The following SLC26A2 variants were observed in gnomAD, a reference collection of about 807,000 sequenced individuals.
SLC26A2 encodes the protein sulfate transporter.
Under a neutral mutation model 41.1 loss-of-function variants are expected in SLC26A2, and 36 were observed. The ratio of observed to expected loss-of-function variants is 0.88; its 90% CI spans 0.67 to 1.16. SLC26A2 has a LOEUF of 1.16. Among genes scored for constraint, SLC26A2 ranks in the 50% most tolerant of loss-of-function variants. SLC26A2 has a pLI of 0.00. For missense variants in SLC26A2, 796 were observed against 869.6 expected, an observed-to-expected ratio of 0.92 and a Z score of 1.07; for synonymous variants, 291 against 311.6, an observed-to-expected ratio of 0.93 and a Z score of 0.70.
In SLC26A2 at chr5:149,977,997, C is replaced by A; in HGVS notation, c.345C>A (p.Gly115=). The change falls in exon 2 of 3, where the codon GGC becomes GGA. Residue 115 remains glycine (G), a synonymous_variant. Coordinates refer to ENST00000286298, the MANE Select transcript of SLC26A2 (RefSeq NM_000112.4). ...KKNILGDVMS[G]LIVGILLVPQ... is the part of the protein sequence containing the mutation. ...ACATTTTAGGGGATGTGATGTCAGG[C>A]TTGATTGTGGGCATATTATTGGTGC... The A allele has an allele frequency of 6.2e-7, 1 of 1,614,124 alleles. No homozygotes were observed. The highest frequency in any genetic ancestry group is 8.5e-7 in the Non-Finnish European group (1 of 1,180,002).
chr5:149,978,402 T>A, intron 2 of SLC26A2, 51 bp downstream of exon 2: 1 of 1,274,466 alleles, frequency 7.8e-7, no homozygotes, highest in South Asian at 1.2e-5. Flanking sequence ...ATCTAGTACA[T>A]GAAATCTCAT....
At position 149,980,371 on chromosome 5, in the gene SLC26A2, G is replaced by T; in HGVS notation, c.778G>T (p.Ala260Ser). 1.9e-6 allele frequency: 3 copies of T among 1,614,072 alleles called. No individual in the cohort carries two copies. Among genetic ancestry groups the T allele is most frequent in the Non-Finnish European group, 2.5e-6 (3 of 1,179,972 alleles). The change falls in exon 3 of 3, where the codon GCC becomes TCC. Residue 260 changes from alanine to serine, a missense_variant. By Grantham distance (99) the Ala-to-Ser change is moderately conservative (BLOSUM62 1). Transcript: ENST00000286298. The part of the protein sequence containing the change: ...DALLSGFVTG[A>S]SFTILTSQAK... ...CTTGCTGAGTGGATTTGTCACTGGT[G>T]CCTCCTTCACTATTCTTACATCTCA...
chr5:149,978,286 T>A lies in SLC26A2; in HGVS notation c.634T>A (p.Cys212Ser), dbSNP rs1302314516. ...TLLNHTSDRI[C>S]DKSCYAIMVG... ...ATTAAATCATACATCAGACAGGATA[T>A]GTGACAAAAGTTGCTATGCAATTAT... Residue 212 changes from cysteine (C) to serine (S), a missense_variant, in exon 2 of 3, where the codon TGT becomes AGT. By Grantham distance (112) the Cys-to-Ser change is moderately radical. Transcript: ENST00000286298. 1.2e-6 allele frequency: 2 copies of A among 1,614,004 alleles called. No individual in the cohort carries two copies. Among genetic ancestry groups the A allele is most frequent in the African/African-American group, 1.3e-5 (1 of 74,928 alleles).
At position 149,981,015 on chromosome 5, in the gene SLC26A2, G is replaced by T; in HGVS notation, c.1422G>T (p.Leu474Phe). The T allele has an allele frequency of 6.2e-7, 1 of 1,614,142 alleles. No homozygotes were observed. The highest frequency in any genetic ancestry group is 2.2e-5 in the East Asian group (1 of 44,878). The change falls in exon 3 of 3, where the codon TTG becomes TTT. Residue 474 changes from leucine to phenylalanine, a missense_variant. Leu to Phe is a conservative substitution (Grantham distance 22). Transcript: ENST00000286298. Reference sequence around the variant, plus strand: ...TGGTCCTCCTAGTAATAGCTCCTTTGTTCTATTCCCTTCAAAAAAGTGTCC... The same window carrying T: ...TGGTCCTCCTAGTAATAGCTCCTTTTTTCTATTCCCTTCAAAAAAGTGTCC... ...LLLVLLVIAP[L>F]FYSLQKSVLG...
rs1024123792 is a variant in SLC26A2 at position 149,986,049 on chromosome 5, A to G, written c.*4236A>G. The G allele has an allele frequency of 6.6e-6, 1 of 152,172 alleles. No individual in the cohort carries two copies. Among genetic ancestry groups the G allele is most frequent in the African/African-American group, 2.4e-5 (1 of 41,440 alleles). The allele number at this position is 152,172 out of a possible 1,614,324, so 9.4% of individuals were successfully genotyped here. On this transcript the variant is annotated 3_prime_UTR_variant, in exon 3 of 3. Transcript: ENST00000286298. The stretch of plus-strand genomic sequence containing the variant: ...TTTTAATGTTTCTATCCCCCATCTC[A>G]GTGTTTTCTTTATCCATCCCAGTGA...
intron 1 of SLC26A2, among the ~76,000 whole-genome samples, chr5:149,975,902 TATC>T: frequency 6.6e-6 from 1 of 152,214 alleles, no homozygotes; most frequent in Non-Finnish European, 1.5e-5. Flanking sequence ...TCGTGCCTGT[TATC>T]CCAGCACTTT....
At chr5:149,977,587 A>G in intron 1 of SLC26A2, 41 bp from the exon 2 acceptor site, 1 of 1,031,416 alleles carries the variant, frequency 9.7e-7, no homozygotes, top group Non-Finnish European at 1.5e-6. Context: ...GAGCACTGAG[A>G]ATTACTTTAT....
rs1038813518 is a variant in SLC26A2, at chr5:149,981,859, C to A, written c.*46C>A. 1.4e-6 allele frequency: 2 copies of A among 1,464,432 alleles called. No individual in the cohort carries two copies. Among genetic ancestry groups the A allele is most frequent in the African/African-American group, 1.4e-5 (1 of 71,596 alleles). The allele number at this position is 1,464,432 out of a possible 1,614,324, so 90.7% of individuals were successfully genotyped here. ...ATGTCTAGCCAATAGGTTAAAATTT[C>A]AAGTGTCCAACATTTCCCAGTTCCA... On this transcript the variant is annotated 3_prime_UTR_variant, in exon 3 of 3. Transcript: ENST00000286298.
At chr5:149,963,123 T>TA (rs70973559) in intron 1 of SLC26A2, among the ~76,000 whole-genome samples, 15 of 143,866 alleles carry the variant, frequency 1.0e-4, no homozygotes, top group Admixed American at 7.8e-4. Context: ...TTTATTTATT[T>TA]TTTGAGATGG....
chr5:149,976,606 T>C (rs557463768), intron 1 of SLC26A2, among the ~76,000 whole-genome samples: 2 of 152,266 alleles, frequency 1.3e-5, no homozygotes, highest in Non-Finnish European at 2.9e-5. Flanking sequence ...GTTCATTTTC[T>C]TCTCTTACTC....
At chr5:149,973,531 G>A (rs1754939505) in intron 1 of SLC26A2, among the ~76,000 whole-genome samples, 3 of 151,100 alleles carry the variant, frequency 2.0e-5, no homozygotes, top group South Asian at 4.2e-4. Context: ...CTCTCTCCCT[G>A]TCTCCCCTCA....
At chr5:149,978,468 C>G (rs1755036786) in intron 2 of SLC26A2, 117 bp downstream of exon 2, 1 of 967,766 alleles carries the variant, frequency 1.0e-6, no homozygotes, top group African/African-American at 1.6e-5. Flanking sequence ...ATTGAGAGTT[C>G]AGGATATATG....
rs1167940585 is a variant in SLC26A2, at chr5:149,986,065, A to G, written c.*4252A>G. The G allele has an allele frequency of 2.0e-5, 3 of 152,218 alleles. No individual in the cohort carries two copies. The highest frequency in any genetic ancestry group is 3.8e-4 in the East Asian group (2 of 5,200). The allele number at this position is 152,218 out of a possible 1,614,324, so 9.4% of individuals were successfully genotyped here. On this transcript the variant is annotated 3_prime_UTR_variant, in exon 3 of 3. Transcript: ENST00000286298. ...CCCCATCTCAGTGTTTTCTTTATCCATCCCAGTGATGCCTTATTTGAAACT... is the reference window on the plus strand; with the variant it reads ...CCCCATCTCAGTGTTTTCTTTATCCGTCCCAGTGATGCCTTATTTGAAACT...
chr5:149,963,568 C>T (rs1199809275), intron 1 of SLC26A2, among the ~76,000 whole-genome samples: 4 of 152,000 alleles, frequency 2.6e-5, no homozygotes, highest in East Asian at 1.9e-4. Context: ...TGAGCCACCG[C>T]GCCTGGCCTA....
Position 149,985,379 on chromosome 5 carries a change from C to T in SLC26A2, c.*3566C>T, listed in dbSNP as rs755162585. 1.3e-5 allele frequency: 2 copies of T among 152,152 alleles called. No homozygotes were observed. Among genetic ancestry groups the T allele is most frequent in the Non-Finnish European group, 2.9e-5 (2 of 68,018 alleles). The allele number at this position is 152,152 out of a possible 1,614,324, so 9.4% of individuals were successfully genotyped here. On this transcript the variant is annotated 3_prime_UTR_variant, in exon 3 of 3. Transcript: ENST00000286298. ...TCTGACTTTGCTTTTGAACAACAGA[C>T]ATTGCAAGTCAAAATTGTTGTCAAA... is the stretch of plus-strand genomic sequence containing the variant.
intron 1 of SLC26A2, among the ~76,000 whole-genome samples, chr5:149,971,190 G>T (rs1754892827): frequency 6.6e-6 from 1 of 152,170 alleles, no homozygotes; most frequent in Admixed American, 6.5e-5. Context: ...CAAGGGCCTG[G>T]AAAGTAGCCT....
At chr5:149,964,515 C>T (rs1461608841) in intron 1 of SLC26A2, among the ~76,000 whole-genome samples, 1 of 151,294 alleles carries the variant, frequency 6.6e-6, no homozygotes, top group Admixed American at 6.6e-5. Context: ...TGGTGGCTCA[C>T]GCCTGTAATC....
rs746734591 is a variant in SLC26A2, at chr5:149,980,305, T to G, written c.712T>G (p.Phe238Val). 1.2e-5 allele frequency: 20 copies of G among 1,613,918 alleles called. No individual in the cohort carries two copies. In the Admixed American group the frequency reaches 1.8e-4, roughly 15 times the overall value. ...IAGVYQVAMG[F>V]FQVGFVSVYL... is the part of the protein sequence containing the mutation. Reference sequence around the variant, plus strand: ...TCCTTCCTTCCAGGTAGCGATGGGCTTCTTTCAAGTGGGTTTTGTTTCTGT... The same window carrying G: ...TCCTTCCTTCCAGGTAGCGATGGGCGTCTTTCAAGTGGGTTTTGTTTCTGT... Residue 238 changes from phenylalanine to valine, a missense_variant, in exon 3 of 3, where the codon TTC becomes GTC. By Grantham distance (50) the Phe-to-Val change is conservative. Coordinates refer to ENST00000286298, the MANE Select transcript of SLC26A2 (RefSeq NM_000112.4).
Position 149,980,373 on chromosome 5 carries a change from C to A in SLC26A2, c.780C>A (p.Ala260=), listed in dbSNP as rs1226719716. ...DALLSGFVTG[A]SFTILTSQAK... ...TGCTGAGTGGATTTGTCACTGGTGC[C>A]TCCTTCACTATTCTTACATCTCAGG... The change falls in exon 3 of 3, where the codon GCC becomes GCA. Residue 260 remains alanine (A), a synonymous_variant. Transcript: ENST00000286298. 1 of 1,614,008 alleles carries A rather than the reference C, an allele frequency of 6.2e-7. No homozygotes were observed. The highest frequency in any genetic ancestry group is 8.5e-7 in the Non-Finnish European group (1 of 1,179,988).
Sources: gnomAD v4.1 joint callset for allele counts (sites outside exome capture counted in the v4.1 genomes callset) on GRCh38, gnomAD v4.1.1 for gene constraint, MANE v1.5 for transcripts, NCBI Gene and HGNC (gene_info 2026-07-23, HGNC 2026-07-21) for gene names.